The following PRKD1 variants were observed in gnomAD, a reference collection of about 807,000 sequenced individuals.
PRKD1 encodes the protein serine/threonine-protein kinase D1.
Under a neutral mutation model 95.9 loss-of-function variants are expected in PRKD1, and 63 were observed. That is an observed-to-expected ratio of 0.66 (90% confidence interval 0.54 to 0.81). The LOEUF is 0.81. Among genes scored for constraint, PRKD1 ranks in the 30% least tolerant of loss-of-function variants. The probability of loss-of-function intolerance (pLI) is 0.00; values close to 1 mark genes in which losing one functional copy is unlikely to be tolerated. For missense variants in PRKD1, 1,048 were observed against 1,165.3 expected, an observed-to-expected ratio of 0.90 and a Z score of 1.47; for synonymous variants, 425 against 423.1, an observed-to-expected ratio of 1.00 and a Z score of -0.05.
intron 1 of PRKD1, among the ~76,000 whole-genome samples, chr14:29,878,341 C>CAAAAAAA (rs58074850): frequency 1.8e-4 from 9 of 49,806 alleles, no homozygotes; most frequent in Middle Eastern, 0.017. Flanking sequence ...GTTCTAATGA[C>CAAAAAAA]AAAAAAAAAA....
rs1566622863 is a variant in PRKD1, at chr14:29,826,784, TATATACACATATATATAC to T, written c.264+100447_264+100464del. 1.3e-3 allele frequency among the ~76,000 whole-genome samples: 65 copies of T among 51,578 alleles called. 11 individuals carry two copies. Among genetic ancestry groups the T allele is most frequent in the Non-Finnish European group, 1.4e-3 (38 of 27,234 alleles). The allele number at this position is 51,578 out of a possible 152,430, so 33.8% of individuals were successfully genotyped here. Reference sequence around the variant, plus strand: ...ATATATATATACACATATATATACATATATACACATATATATACACATATATATACACATATATATATA... The same window carrying T: ...ATATATATATACACATATATATACATACATATATATACACATATATATATA... On this transcript the variant is annotated intron_variant, in intron 1 of 17. Coordinates refer to ENST00000331968, the MANE Select transcript of PRKD1 (RefSeq NM_002742.3).
rs185170089 is a variant in PRKD1 at position 29,722,872 on chromosome 14, T to C, written c.403+2664A>G. On this transcript the variant is annotated intron_variant, in intron 2 of 17. Coordinates refer to ENST00000331968, the MANE Select transcript of PRKD1 (RefSeq NM_002742.3). Reference sequence around the variant, plus strand: ...CATGAATATAATAAGTCGCATGCTATGTGGAGAAAAAAGAAATAGAAAAAT... The same window carrying C: ...CATGAATATAATAAGTCGCATGCTACGTGGAGAAAAAAGAAATAGAAAAAT... Among the ~76,000 whole-genome samples the C allele has an allele frequency of 7.2e-5, 11 of 152,236 alleles. No individual in the cohort carries two copies. In the East Asian group the frequency reaches 1.4e-3, roughly 19 times the overall value.
intron 1 of PRKD1, among the ~76,000 whole-genome samples, chr14:29,745,335 T>C (rs948361831): frequency 1.3e-5 from 2 of 152,236 alleles, no homozygotes; most frequent in East Asian, 1.9e-4. Flanking sequence ...CTAGTCACTG[T>C]TGTATCCCAA....
chr14:29,777,928 A>T (rs1166183284), intron 1 of PRKD1, among the ~76,000 whole-genome samples: 9 of 152,312 alleles, frequency 5.9e-5, no homozygotes, highest in Non-Finnish European at 1.0e-4. Flanking sequence ...AAAGAACAGA[A>T]ATTATAACAA....
At chr14:29,689,465 CA>C (rs148283686) in intron 2 of PRKD1, among the ~76,000 whole-genome samples, 1 of 151,806 alleles carries the variant, frequency 6.6e-6, no homozygotes, top group African/African-American at 2.4e-5. Context: ...ACAACAACAA[CA>C]AAAAAACAAG....
rs1887495633 is a variant in PRKD1 at position 29,751,910 on chromosome 14, A to T, written c.265-26236T>A. On this transcript the variant is annotated intron_variant, in intron 1 of 17. Transcript: ENST00000331968. ...ACGTAAACAGCACATACACATGTGT[A>T]CACACAAATAAATGGGGATATTTTC... is the stretch of plus-strand genomic sequence containing the variant. Among the ~76,000 whole-genome samples the T allele has an allele frequency of 3.9e-5, 6 of 152,368 alleles. No homozygotes were observed. The South Asian group carries it at 1.2e-3, about 32-fold the overall frequency.
At chr14:29,622,837 A>G (rs919676347) in intron 13 of PRKD1, among the ~76,000 whole-genome samples, 3 of 152,220 alleles carry the variant, frequency 2.0e-5, no homozygotes, top group Non-Finnish European at 4.4e-5. Flanking sequence ...GCAGTAAAAT[A>G]TAGAAAGATG....
intron 2 of PRKD1, among the ~76,000 whole-genome samples, chr14:29,682,702 T>C (rs1883605099): frequency 6.6e-6 from 1 of 152,108 alleles, no homozygotes; most frequent in East Asian, 1.9e-4. Context: ...GATAAAAAAA[T>C]GTATAAACAC....
chr14:29,830,087 GA>G (rs1252808621), intron 1 of PRKD1, among the ~76,000 whole-genome samples: 2 of 152,136 alleles, frequency 1.3e-5, no homozygotes, highest in Non-Finnish European at 2.9e-5. Context: ...TCAAAGATTA[GA>G]AACAGCTAAT....
At chr14:29,850,093 C>T (rs575410927) in intron 1 of PRKD1, among the ~76,000 whole-genome samples, 12 of 152,242 alleles carry the variant, frequency 7.9e-5, no homozygotes, top group Non-Finnish European at 5.9e-5. Context: ...CAGCCAATGT[C>T]ATACTGAATG....
rs149818673 is a variant in PRKD1, at chr14:29,896,075, T to A, written c.264+31174A>T. On this transcript the variant is annotated intron_variant, in intron 1 of 17. Transcript: ENST00000331968. ...GCCTAGAATACCATCTACTTTACAA[T>A]AGGAGCGCAATATATATTTGTAGAA... Among the ~76,000 whole-genome samples, 1,463 of 152,260 alleles carry A rather than the reference T, an allele frequency of 9.6e-3. 11 individuals carry two copies. The highest frequency in any genetic ancestry group is 0.034 in the African/African-American group (1,409 of 41,536).
chr14:29,783,138 A>G (rs1889123109), intron 1 of PRKD1, among the ~76,000 whole-genome samples: 2 of 152,044 alleles, frequency 1.3e-5, no homozygotes, highest in African/African-American at 4.8e-5. Flanking sequence ...CCGATAACTA[A>G]CCTGTCTTTA....
chr14:29,757,783 AC>A (rs1441071571), intron 1 of PRKD1, among the ~76,000 whole-genome samples: 4 of 152,048 alleles, frequency 2.6e-5, no homozygotes, highest in Non-Finnish European at 5.9e-5. Context: ...GAGAATGGAG[AC>A]AGGGGTGAAT....
chr14:29,693,817 C>T (rs950837859), intron 2 of PRKD1, among the ~76,000 whole-genome samples: 3 of 152,096 alleles, frequency 2.0e-5, no homozygotes, highest in Non-Finnish European at 4.4e-5. Context: ...CAGACTGTTA[C>T]CCAGATGGTT....
rs116399806 is a variant in PRKD1, at chr14:29,678,314, C to G, written c.404-12106G>C. 8.9e-3 allele frequency among the ~76,000 whole-genome samples: 1,351 copies of G among 152,196 alleles called. 18 individuals carry two copies. Among genetic ancestry groups the G allele is most frequent in the African/African-American group, 0.031 (1,298 of 41,532 alleles). ...AATGTCTCTACATCTTGGTAAAAGGCTCATTATCAAGCCTAGTGAATACTA... is the reference window on the plus strand; with the variant it reads ...AATGTCTCTACATCTTGGTAAAAGGGTCATTATCAAGCCTAGTGAATACTA... On this transcript the variant is annotated intron_variant, in intron 2 of 17. Coordinates refer to ENST00000331968, the MANE Select transcript of PRKD1 (RefSeq NM_002742.3).
rs567135123 is a variant in PRKD1 at position 29,730,652 on chromosome 14, GA to G, written c.265-4979del. 1.3e-3 allele frequency among the ~76,000 whole-genome samples: 194 copies of G among 152,138 alleles called. 1 individual carries two copies. Among genetic ancestry groups the G allele is most frequent in the Admixed American group, 7.6e-3 (116 of 15,278 alleles). The stretch of plus-strand genomic sequence containing the variant: ...GTCCATCAATGAATAAATATATATA[GA>G]AAATGTGGTGTATTGATACAGAATG... On this transcript the variant is annotated intron_variant, in intron 1 of 17. Coordinates refer to ENST00000331968, the MANE Select transcript of PRKD1 (RefSeq NM_002742.3).
chr14:29,899,077 C>T (rs1254167141), intron 1 of PRKD1, among the ~76,000 whole-genome samples: 1 of 152,074 alleles, frequency 6.6e-6, no homozygotes, highest in Non-Finnish European at 1.5e-5. Flanking sequence ...TCAAGATTAG[C>T]ATTTGCTATT....
intron 1 of PRKD1, among the ~76,000 whole-genome samples, chr14:29,742,522 T>C (rs925019508): frequency 3.9e-5 from 6 of 152,130 alleles, no homozygotes; most frequent in Non-Finnish European, 5.9e-5. Flanking sequence ...TTGCTGTCTC[T>C]CTTAAAGGCA....
At chr14:29,836,178 C>T (rs1891604353) in intron 1 of PRKD1, among the ~76,000 whole-genome samples, 1 of 152,134 alleles carries the variant, frequency 6.6e-6, no homozygotes, top group South Asian at 2.1e-4. Context: ...TCAAATACAG[C>T]TACCCAACTG....
Sources: allele counts gnomAD v4.1 joint callset (sites outside exome capture counted in the v4.1 genomes callset), GRCh38; gene constraint gnomAD v4.1.1; transcripts MANE v1.5; gene names NCBI Gene and HGNC (gene_info 2026-07-23, HGNC 2026-07-21).